MKLN1: variants seen among roughly 807,000 people sequenced by gnomAD.
The protein encoded by MKLN1 is muskelin.
A neutral mutation model predicts 99.0 loss-of-function variants in MKLN1; 18 were observed. That is an observed-to-expected ratio of 0.18 (90% CI 0.13 to 0.27). The LOEUF (loss-of-function observed/expected upper bound fraction) is 0.27. MKLN1 is among the 10% of genes least tolerant of loss of function. MKLN1 has a pLI of 1.00. For synonymous variants in MKLN1, 288 were observed against 293.2 expected (o/e 0.98, Z 0.18); for missense variants, 621 against 875.9 (o/e 0.71, Z 3.67).
chr7:131,269,836 G>A (rs963286402), intron 3 of MKLN1, among the ~76,000 whole-genome samples: 1 of 152,182 alleles, frequency 6.6e-6, no homozygotes, highest in African/African-American at 2.4e-5. Context: ...GATGTACAAG[G>A]GAACACTGGT....
intron 3 of MKLN1, among the ~76,000 whole-genome samples, chr7:131,209,934 C>T (rs948177613): frequency 2.0e-5 from 3 of 151,510 alleles, no homozygotes; most frequent in Admixed American, 6.6e-5. Flanking sequence ...ACATGAGGTA[C>T]GATAAAGTAG....
intron 3 of MKLN1, among the ~76,000 whole-genome samples, chr7:131,276,384 G>A (rs756128362): frequency 6.6e-6 from 1 of 152,144 alleles, no homozygotes; most frequent in African/African-American, 2.4e-5. Context: ...TCTGAAGGGA[G>A]GTCAAAGTTC....
intron 1 of MKLN1, among the ~76,000 whole-genome samples, chr7:131,128,047 C>T (rs1795489934): frequency 6.6e-6 from 1 of 152,012 alleles, no homozygotes; most frequent in Admixed American, 6.6e-5. Flanking sequence ...CTGTGGAACT[C>T]ATGTTGAAGA....
In MKLN1 at chr7:131,389,784, G is replaced by T. The variant is rs189223226; in HGVS notation, c.400+812G>T. Among the ~76,000 whole-genome samples the T allele has an allele frequency of 3.6e-4, 55 of 151,884 alleles. 1 individual carries two copies. Among genetic ancestry groups the T allele is most frequent in the Admixed American group, 3.1e-3 (47 of 15,236 alleles). ...GGCGCCTGTAGTCCCAGTTACTCGGGAAGCTGAGGTGGGAGAATGCTGTGA... is the reference window on the plus strand; with the variant it reads ...GGCGCCTGTAGTCCCAGTTACTCGGTAAGCTGAGGTGGGAGAATGCTGTGA... On this transcript the variant is annotated intron_variant, in intron 4 of 17. Transcript: ENST00000352689.
At chr7:131,128,314 A>G (rs1002332782) in intron 1 of MKLN1, among the ~76,000 whole-genome samples, 4 of 152,180 alleles carry the variant, frequency 2.6e-5, no homozygotes, top group African/African-American at 9.7e-5. Context: ...GACCCATATA[A>G]TAGGGGTGAT....
In MKLN1 at chr7:131,145,362, G is replaced by A. The variant is rs115936609; in HGVS notation, c.-297+2421G>A. Among the ~76,000 whole-genome samples the A allele has an allele frequency of 4.7e-3, 721 of 152,246 alleles. 5 individuals are homozygous for A. Among genetic ancestry groups the A allele is most frequent in the African/African-American group, 0.017 (690 of 41,520 alleles). ...GAAGATTTACAGTCTCCTGTTGATT[G>A]TAAGAAGATGAGTCAACACAGTGGG... is the stretch of plus-strand genomic sequence containing the variant. On this transcript the variant is annotated intron_variant, in intron 2 of 7. Transcript: ENST00000416992.
chr7:131,481,812 GCA>G lies in MKLN1; in HGVS notation c.2086+3136_2086+3137del, dbSNP rs1491179046. On this transcript the variant is annotated intron_variant, in intron 17 of 17. Transcript: ENST00000352689. ...ATGAATATTTCATTTTCTAAGGTCT[GCA>G]AAAAAAAAAAAAAAAAAACCTCAGC... Among the ~76,000 whole-genome samples the G allele has an allele frequency of 1.0e-2, 713 of 71,522 alleles. 5 individuals carry two copies. Among genetic ancestry groups the G allele is most frequent in the Admixed American group, 0.023 (202 of 8,950 alleles). The allele number at this position is 71,522 out of a possible 152,430, so 46.9% of individuals were successfully genotyped here. A position where few individuals can be genotyped will look rare whatever the true frequency, so the allele number is the denominator to read the frequency against.
chr7:131,143,321 G>A (rs756033258), intron 2 of MKLN1, among the ~76,000 whole-genome samples: 4 of 152,104 alleles, frequency 2.6e-5, no homozygotes, highest in Non-Finnish European at 4.4e-5. Context: ...ACAAAAAATT[G>A]CTGGGCATGG....
intron 10 of MKLN1, among the ~76,000 whole-genome samples, chr7:131,439,459 G>C (rs1027618937): frequency 6.6e-6 from 1 of 152,120 alleles, no homozygotes; most frequent in Admixed American, 6.5e-5. Context: ...CAGAACACTG[G>C]GGGTGAAGAA....
intron 17 of MKLN1, among the ~76,000 whole-genome samples, chr7:131,482,675 G>A (rs1312783509): frequency 1.3e-5 from 2 of 152,094 alleles, no homozygotes; most frequent in Admixed American, 1.3e-4. Flanking sequence ...TCCAGCCTGG[G>A]CAATGTAGCA....
chr7:131,388,691 A>G (rs1046141105), intron 3 of MKLN1, among the ~76,000 whole-genome samples, 193 bp from the exon 4 acceptor site: 1 of 152,240 alleles, frequency 6.6e-6, no homozygotes, highest in African/African-American at 2.4e-5. Context: ...AAGAGAATCC[A>G]GTTATAATGC....
intron 1 of MKLN1, among the ~76,000 whole-genome samples, chr7:131,118,722 C>G (rs771671141): frequency 2.0e-5 from 3 of 152,180 alleles, no homozygotes; most frequent in Non-Finnish European, 4.4e-5. Context: ...GCAAACACAT[C>G]TTCACATGGC....
At chr7:131,292,401 G>A (rs1166430793) in intron 3 of MKLN1, among the ~76,000 whole-genome samples, 9 of 152,156 alleles carry the variant, frequency 5.9e-5, no homozygotes, top group African/African-American at 1.4e-4. Context: ...GGATATTAGG[G>A]CTCGAATCAT....
In MKLN1 at chr7:131,445,777, A is replaced by G. The variant is rs1466724898; in HGVS notation, c.1399A>G (p.Asn467Asp). 7.6e-6 allele frequency: 12 copies of G among 1,587,082 alleles called. No individual in the cohort carries two copies. Among genetic ancestry groups the G allele is most frequent in the Middle Eastern group, 3.4e-4 (2 of 5,910 alleles). The change falls in exon 12 of 18, where the codon AAT becomes GAT. Residue 467 changes from asparagine to aspartate, a missense_variant. Around this residue, in one of 8 missense-constraint regions of MKLN1, gnomAD observed 361 missense variants for 540.8 expected, o/e 0.67. Transcript: ENST00000352689. ...TTTTTTTTTTCTTCTTTTTCAGAAA[A>G]ATCGTTGCTTATATGTATTTGGTGG... ...IGHCMLFHSK[N>D]RCLYVFGGQR...
rs561451380 is a variant in MKLN1 at position 131,493,205 on chromosome 7, T to C, written c.*5477T>C. On this transcript the variant is annotated 3_prime_UTR_variant, in exon 18 of 18. Coordinates refer to ENST00000352689, the MANE Select transcript of MKLN1 (RefSeq NM_013255.5). ...TATCACTTTTAATTATAAAATAATG[T>C]CTTCCTTTTTATCTGCTTTTCAGAC... 2.0e-5 allele frequency: 3 copies of C among 152,316 alleles called. No homozygotes were observed. In the East Asian group the frequency reaches 5.8e-4, roughly 29 times the overall value. 9.4% of individuals were successfully genotyped at this position (152,316 alleles called of 1,614,324 possible). A position where few individuals can be genotyped will look rare whatever the true frequency, so the allele number is the denominator to read the frequency against.
intron 1 of MKLN1, among the ~76,000 whole-genome samples, chr7:131,336,509 C>G (rs368994335): frequency 1.3e-5 from 2 of 151,860 alleles, no homozygotes; most frequent in Non-Finnish European, 2.9e-5. Context: ...TATTTTCTCT[C>G]CATTGTTGCC....
At chr7:131,187,609 A>C (rs536924552) in intron 2 of MKLN1, among the ~76,000 whole-genome samples, 1 of 152,206 alleles carries the variant, frequency 6.6e-6, no homozygotes, top group Non-Finnish European at 1.5e-5. Flanking sequence ...TAAAATATTT[A>C]CTGGCTGGCC....
chr7:131,346,320 C>T (rs927159096), intron 1 of MKLN1, among the ~76,000 whole-genome samples: 14 of 152,102 alleles, frequency 9.2e-5, no homozygotes, highest in Non-Finnish European at 1.6e-4. Context: ...GCTAGGAGTT[C>T]GAGACCAGCC....
In MKLN1 at chr7:131,160,483, ATTATTATTAATT is replaced by A. The variant is rs1796030163; in HGVS notation, c.-297+17543_-297+17554del. Among the ~76,000 whole-genome samples, 3 of 126,050 alleles carry A rather than the reference ATTATTATTAATT, an allele frequency of 2.4e-5. No homozygotes were observed. In the South Asian group the frequency reaches 8.2e-4, roughly 34 times the overall value. 82.7% of individuals were successfully genotyped at this position (126,050 alleles called of 152,430 possible). ...AACTCTATGTTTAACTTATTTTATT[ATTATTATTAATT>A]ATTATTATTATTATTATTATTATTA... is the stretch of plus-strand genomic sequence containing the variant. On this transcript the variant is annotated intron_variant, in intron 2 of 7. Coordinates refer to the MKLN1 transcript ENST00000416992.
Sources: gnomAD v4.1 joint callset for allele counts (sites outside exome capture counted in the v4.1 genomes callset) on GRCh38, gnomAD v4.1.1 for gene constraint, gnomAD v4.1.1 regional missense constraint, MANE v1.5 for transcripts, NCBI Gene and HGNC (gene_info 2026-07-23, HGNC 2026-07-21) for gene names.